SDHC: variants seen among roughly 807,000 people sequenced by gnomAD.
The protein encoded by SDHC is succinate dehydrogenase complex subunit C, also known as succinate dehydrogenase cytochrome b560 subunit, mitochondrial.
Under a neutral mutation model 22.6 loss-of-function variants are expected in SDHC, and 11 were observed. The ratio of observed to expected loss-of-function variants is 0.49; its 90% CI spans 0.31 to 0.81. SDHC has a LOEUF of 0.81. Among genes scored for constraint, SDHC ranks in the 30% least tolerant of loss-of-function variants. The pLI, the probability that SDHC is intolerant of heterozygous loss-of-function variation, is 0.05. For synonymous variants in SDHC, 80 were observed against 77.8 expected (o/e 1.03, Z -0.15); for missense variants, 160 against 212.0 (o/e 0.75, Z 1.52).
At chr1:161,339,662 G>GTTTTTTTTTTTTTTTTTTTATTTTTTTT (rs1671639672) in intron 3 of SDHC, 1 of 49,566 alleles carries the variant, frequency 2.0e-5, no homozygotes, top group Non-Finnish European at 3.5e-5. Flanking sequence ...TGATACAGGT[G>GTTTTTTTTTTTTTTTTTTTATTTTTTTT]TTTTTTTTTT....
rs183219653 is a variant in SDHC at position 161,354,126 on chromosome 1, C to T, written c.242-2551C>T. Among the ~76,000 whole-genome samples the T allele has an allele frequency of 3.0e-3, 462 of 152,232 alleles. 3 individuals are homozygous for T. Among genetic ancestry groups the T allele is most frequent in the African/African-American group, 0.01 (431 of 41,542 alleles). The stretch of plus-strand genomic sequence containing the variant: ...TCAGCCTCCTAAATTGCTAGGATTA[C>T]AGGCATGAGCCACCATACCCAGCCA... On this transcript the variant is annotated intron_variant, in intron 4 of 5. Transcript: ENST00000367975.
intron 3 of SDHC, among the ~76,000 whole-genome samples, chr1:161,335,185 ATGC>A (rs1158238482): frequency 2.0e-5 from 3 of 152,170 alleles, no homozygotes; most frequent in Admixed American, 2.0e-4. Flanking sequence ...CCCTGCGGTA[ATGC>A]TATACTTCTG....
rs116666416 is a variant in SDHC, at chr1:161,331,169, C to T, written c.179+2672C>T. Among the ~76,000 whole-genome samples, 1,131 of 152,154 alleles carry T rather than the reference C, an allele frequency of 7.4e-3. 14 individuals are homozygous for T. Among genetic ancestry groups the T allele is most frequent in the African/African-American group, 0.026 (1,078 of 41,504 alleles). ...ACTAGTAACATGCTTAATTTCAAAA[C>T]GCCTTTTATGTGACTAAATATTCTG... On this transcript the variant is annotated intron_variant, in intron 3 of 5. Coordinates refer to ENST00000367975, the MANE Select transcript of SDHC (RefSeq NM_003001.5).
chr1:161,342,680 C>T (rs555755392), intron 4 of SDHC, among the ~76,000 whole-genome samples: 1 of 152,196 alleles, frequency 6.6e-6, no homozygotes, highest in South Asian at 2.1e-4. Flanking sequence ...CCATTCCCTG[C>T]TAATTTTTGT....
intron 4 of SDHC, among the ~76,000 whole-genome samples, chr1:161,341,322 C>T (rs1243166752): frequency 6.6e-6 from 1 of 152,222 alleles, no homozygotes; most frequent in Non-Finnish European, 1.5e-5. Flanking sequence ...ATCACCTAGA[C>T]ATGCTCAGTC....
At chr1:161,327,117 CAG>C (rs1671086009) in intron 2 of SDHC, among the ~76,000 whole-genome samples, 1 of 151,944 alleles carries the variant, frequency 6.6e-6, no homozygotes, top group Non-Finnish European at 1.5e-5. Context: ...TTTGTGGAAA[CAG>C]GGTTTTGCCA....
intron 5 of SDHC, among the ~76,000 whole-genome samples, chr1:161,359,849 T>C (rs1256311767): frequency 1.4e-4 from 22 of 152,106 alleles, no homozygotes. Flanking sequence ...AGTAGGATGT[T>C]ATAGGGTCTG....
intron 3 of SDHC, among the ~76,000 whole-genome samples, chr1:161,338,626 T>C (rs957174747): frequency 6.6e-6 from 1 of 152,222 alleles, no homozygotes; most frequent in African/African-American, 2.4e-5. Context: ...TTAAGAAATA[T>C]ATACTAAATC....
chr1:161,352,525 C>T (rs1672130112), intron 4 of SDHC, among the ~76,000 whole-genome samples: 1 of 152,098 alleles, frequency 6.6e-6, no homozygotes, highest in Non-Finnish European at 1.5e-5. Flanking sequence ...CAGAAATAAC[C>T]AGTATTCTAT....
intron 5 of SDHC, among the ~76,000 whole-genome samples, chr1:161,361,467 A>G (rs916203880): frequency 6.6e-6 from 1 of 152,100 alleles, no homozygotes; most frequent in Admixed American, 6.6e-5. Context: ...TTCCCTCTAT[A>G]AAAAGATTCT....
intron 4 of SDHC, among the ~76,000 whole-genome samples, chr1:161,341,168 C>T (rs916477619): frequency 6.6e-6 from 1 of 152,142 alleles, no homozygotes; most frequent in Admixed American, 6.6e-5. Flanking sequence ...AATTTTTAAA[C>T]CATTCCCTAG....
intron 4 of SDHC, among the ~76,000 whole-genome samples, chr1:161,348,260 G>C (rs1438210005): frequency 6.6e-6 from 1 of 151,790 alleles, no homozygotes; most frequent in African/African-American, 2.4e-5. Context: ...CTGGGTTCAA[G>C]CAATTCTCCT....
chr1:161,354,697 G>GTGTGT (rs1413462266), intron 4 of SDHC, among the ~76,000 whole-genome samples: 2 of 117,122 alleles, frequency 1.7e-5, no homozygotes, highest in Non-Finnish European at 3.7e-5. Flanking sequence ...GTGTGTGTGT[G>GTGTGT]TGTGTGTGTG....
chr1:161,320,230 G>A lies in SDHC; in HGVS notation c.21-3384G>A, dbSNP rs780260297. The stretch of plus-strand genomic sequence containing the variant: ...TGGGTGATGCCATCATATGGGGGGG[G>A]TGGTGAAAGAAAAGAAATCAAGGAT... On this transcript the variant is annotated intron_variant, in intron 1 of 5. Coordinates refer to ENST00000367975, the MANE Select transcript of SDHC (RefSeq NM_003001.5). Among the ~76,000 whole-genome samples, 5 of 152,184 alleles carry A rather than the reference G, an allele frequency of 3.3e-5. No individual in the cohort carries two copies. In the East Asian group the frequency reaches 7.7e-4, roughly 23 times the overall value.
chr1:161,323,228 G>A (rs4548462), intron 1 of SDHC, among the ~76,000 whole-genome samples: 17,692 of 151,756 alleles, frequency 0.12, 1,364 homozygotes, highest in African/African-American at 0.21. Context: ...TCGATCTCCT[G>A]ACCTTGTGAT....
chr1:161,348,610 C>A (rs1014346236), intron 4 of SDHC, among the ~76,000 whole-genome samples: 3 of 142,074 alleles, frequency 2.1e-5, no homozygotes, highest in Non-Finnish European at 4.5e-5. Context: ...CACCTGAGAT[C>A]AGGAGTTTGA....
chr1:161,349,551 G>T lies in SDHC; in HGVS notation c.242-7126G>T, dbSNP rs190565832. Among the ~76,000 whole-genome samples the T allele has an allele frequency of 3.0e-3, 461 of 152,348 alleles. 4 individuals carry two copies. Among genetic ancestry groups the T allele is most frequent in the African/African-American group, 0.01 (430 of 41,568 alleles). On this transcript the variant is annotated intron_variant, in intron 4 of 5. Coordinates refer to ENST00000367975, the MANE Select transcript of SDHC (RefSeq NM_003001.5). ...CTTTTGTGAGAGATTGCCTGAATTT[G>T]TAGGCAAACCTGCTGCTCAGGCAGG...
At chr1:161,328,538 G>A in intron 3 of SDHC, 41 bp downstream of exon 3, 1 of 1,404,722 alleles carries the variant, frequency 7.1e-7, no homozygotes, top group Non-Finnish European at 1.0e-6. Context: ...AGAGGTAGTG[G>A]GTGAAAGTTC....
intron 4 of SDHC, 26 bp downstream of exon 4, chr1:161,340,681 C>T: frequency 2.5e-6 from 4 of 1,597,480 alleles, no homozygotes; most frequent in African/African-American, 2.7e-5. Context: ...TTTACACACA[C>T]ATATGTGCTT....
Sources: gnomAD v4.1 joint callset for allele counts (sites outside exome capture counted in the v4.1 genomes callset) on GRCh38, gnomAD v4.1.1 for gene constraint, MANE v1.5 for transcripts, NCBI Gene and HGNC (gene_info 2026-07-23, HGNC 2026-07-21) for gene names.